PLEKHA2: variants seen among roughly 807,000 people sequenced by gnomAD.
The protein encoded by PLEKHA2 is pleckstrin homology domain containing A2.
A neutral mutation model predicts 53.2 loss-of-function variants in PLEKHA2; 28 were observed. The ratio of observed to expected loss-of-function variants is 0.53; its 90% CI spans 0.39 to 0.72. PLEKHA2 has a LOEUF of 0.72. Ranked by LOEUF, PLEKHA2 falls within the 30% of genes least tolerant of loss-of-function variation. The probability of loss-of-function intolerance (pLI) is 0.00; values close to 1 mark genes in which losing one functional copy is unlikely to be tolerated. For synonymous variants in PLEKHA2, 193 were observed against 196.4 expected (o/e 0.98, Z 0.14); for missense variants, 426 against 537.9 (o/e 0.79, Z 2.06).
intron 10 of PLEKHA2, among the ~76,000 whole-genome samples, chr8:38,968,253 C>A (rs1387564690): frequency 6.6e-6 from 1 of 152,106 alleles, no homozygotes; most frequent in African/African-American, 2.4e-5. Context: ...GCCTCATTTT[C>A]CTTTTTTATA....
At position 38,970,236 on chromosome 8, in the gene PLEKHA2, A is replaced by G; in HGVS notation, c.*453A>G. 1 of 418,610 alleles carries G rather than the reference A, an allele frequency of 2.4e-6. No individual in the cohort carries two copies. The allele number at this position is 418,610 out of a possible 1,614,324, so 25.9% of individuals were successfully genotyped here. The stretch of plus-strand genomic sequence containing the variant: ...CGCAGCTCTTTTGGAATGGGCCAGC[A>G]TTAGTCTAATTTTAAGCGCTATGTG... On this transcript the variant is annotated 3_prime_UTR_variant, in exon 12 of 12. Transcript: ENST00000617275.
At chr8:38,968,474 C>T in intron 10 of PLEKHA2, 118 bp from the exon 11 acceptor site, 1 of 879,522 alleles carries the variant, frequency 1.1e-6, no homozygotes, top group East Asian at 2.6e-5. Flanking sequence ...TAGATGATTT[C>T]TGGGATGCTT....
At chr8:38,913,593 G>C (rs2152365599) in intron 1 of PLEKHA2, among the ~76,000 whole-genome samples, 1 of 152,280 alleles carries the variant, frequency 6.6e-6, no homozygotes. Flanking sequence ...GGCATCAAGG[G>C]AGTTTGCCTG....
chr8:38,968,638 C>T lies in PLEKHA2; in HGVS notation c.884C>T (p.Ala295Val), dbSNP rs1343547748. The change falls in exon 11 of 12, where the codon GCA (alanine) becomes GTA (valine). Residue 295 changes from alanine (A) to valine (V), a missense_variant. Coordinates refer to ENST00000617275, the MANE Select transcript of PLEKHA2 (RefSeq NM_021623.2). ...CACAGCTGGATTAAGGAGATTGGCG[C>T]AGCTGTCCAGGCCCTCAAGTGCCAC... The part of the protein sequence containing the change: ...DMHSWIKEIG[A>V]AVQALKCHPR... 1.2e-6 allele frequency: 2 copies of T among 1,614,010 alleles called. No homozygotes were observed. Among genetic ancestry groups the T allele is most frequent in the Admixed American group, 1.7e-5 (1 of 60,026 alleles).
At chr8:38,964,184 C>A (rs1286982014) in intron 10 of PLEKHA2, among the ~76,000 whole-genome samples, 1 of 152,004 alleles carries the variant, frequency 6.6e-6, no homozygotes, top group Non-Finnish European at 1.5e-5. Context: ...AAGCTTTATC[C>A]CCAAAGATGT....
chr8:38,948,598 G>A (rs747843905), intron 5 of PLEKHA2, among the ~76,000 whole-genome samples: 5 of 152,150 alleles, frequency 3.3e-5, no homozygotes, highest in Non-Finnish European at 5.9e-5. Context: ...AGAAGGTCTC[G>A]TTGTCTTTGT....
rs1459142172 is a variant in PLEKHA2, at chr8:38,922,214, G to A, written c.141+4144G>A. ...ACTTGGAGGATGAAGAGCCTGCAAA[G>A]GTAGTTTCTGGTTAAGAAAGAGAAA... On this transcript the variant is annotated intron_variant, in intron 2 of 11. Coordinates refer to ENST00000617275, the MANE Select transcript of PLEKHA2 (RefSeq NM_021623.2). The surrounding 1 kb of genome is among the most constrained non-coding windows in gnomAD (Gnocchi z 4.0). 1.3e-5 allele frequency among the ~76,000 whole-genome samples: 2 copies of A among 152,210 alleles called. No homozygotes were observed. The highest frequency in any genetic ancestry group is 2.4e-5 in the African/African-American group (1 of 41,452).
At position 38,906,611 on chromosome 8, in the gene PLEKHA2, G is replaced by A. The variant is rs529368028; in HGVS notation, c.-24+5166G>A. On this transcript the variant is annotated intron_variant, in intron 1 of 11. Transcript: ENST00000617275. ...TGTTCTCAGTACGTTCCCTTCTCTCGCACTTTATTCTCCCGCCTTACACTA... is the reference window on the plus strand; with the variant it reads ...TGTTCTCAGTACGTTCCCTTCTCTCACACTTTATTCTCCCGCCTTACACTA... 3.3e-5 allele frequency among the ~76,000 whole-genome samples: 5 copies of A among 152,052 alleles called. No homozygotes were observed. The South Asian group carries it at 1.0e-3, about 32-fold the overall frequency.
intron 2 of PLEKHA2, among the ~76,000 whole-genome samples, chr8:38,929,969 C>A (rs1176813821): frequency 1.3e-5 from 2 of 152,200 alleles, no homozygotes; most frequent in Non-Finnish European, 2.9e-5. Context: ...GTAAAAATTT[C>A]TTCTTCAACA....
At chr8:38,905,746 G>C (rs539985698) in intron 1 of PLEKHA2, among the ~76,000 whole-genome samples, 7 of 148,028 alleles carry the variant, frequency 4.7e-5, no homozygotes, top group African/African-American at 1.7e-4. Context: ...GTGCAGTGGC[G>C]CTATCTCGGC....
intron 2 of PLEKHA2, among the ~76,000 whole-genome samples, chr8:38,923,898 A>T (rs1834236682): frequency 6.6e-6 from 1 of 151,914 alleles, no homozygotes; most frequent in Non-Finnish European, 1.5e-5. Flanking sequence ...GTTGCCGAGG[A>T]TCCAGTGCAG....
intron 1 of PLEKHA2, among the ~76,000 whole-genome samples, chr8:38,902,467 G>T (rs1314891574): frequency 6.6e-6 from 1 of 152,162 alleles, no homozygotes; most frequent in Non-Finnish European, 1.5e-5. Flanking sequence ...GCTCCAAGTG[G>T]GGTTTTCAGA....
intron 1 of PLEKHA2, among the ~76,000 whole-genome samples, chr8:38,909,004 G>C (rs1159306397): frequency 6.6e-6 from 1 of 152,098 alleles, no homozygotes; most frequent in Non-Finnish European, 1.5e-5. Context: ...TCAGCTGGGC[G>C]TGGTGGTGCA....
At chr8:38,928,403 C>T (rs907769624) in intron 2 of PLEKHA2, among the ~76,000 whole-genome samples, 4 of 151,968 alleles carry the variant, frequency 2.6e-5, no homozygotes, top group Non-Finnish European at 1.5e-5. Flanking sequence ...TGTGCGCCAC[C>T]ACACCCAGCT....
At chr8:38,912,897 G>A (rs1265051266) in intron 1 of PLEKHA2, among the ~76,000 whole-genome samples, 2 of 152,198 alleles carry the variant, frequency 1.3e-5, no homozygotes, top group African/African-American at 2.4e-5. Flanking sequence ...TTCTCGGGAC[G>A]TCTGAGCAGC....
chr8:38,903,646 G>A (rs1053743922), intron 1 of PLEKHA2, among the ~76,000 whole-genome samples: 8 of 152,178 alleles, frequency 5.3e-5, no homozygotes, highest in South Asian at 4.1e-4. Flanking sequence ...GAAGTGCTAG[G>A]ATACTAGGAA....
intron 3 of PLEKHA2, among the ~76,000 whole-genome samples, chr8:38,938,006 G>A (rs1834528439): frequency 6.6e-6 from 1 of 152,220 alleles, no homozygotes; most frequent in Non-Finnish European, 1.5e-5. Flanking sequence ...AGACAGAGAT[G>A]AAAGTGATGA....
Position 38,969,663 on chromosome 8 carries a change from C to T in PLEKHA2, c.1158C>T (p.Gly386=). The T allele has an allele frequency of 6.3e-7, 1 of 1,591,502 alleles. No homozygotes were observed. Among genetic ancestry groups the T allele is most frequent in the Non-Finnish European group, 8.6e-7 (1 of 1,169,246 alleles). Residue 386 remains glycine, a synonymous_variant, in exon 12 of 12, where the codon GGC becomes GGT. Transcript: ENST00000617275. ...DSLFTPRPGE[G]SAPGVLPSSR... ...TGTTCACGCCTCGTCCTGGGGAGGG[C>T]AGCGCTCCTGGGGTGCTGCCCAGCT...
At chr8:38,950,418 A>G (rs1231533306) in intron 5 of PLEKHA2, 1 of 156,022 alleles carries the variant, frequency 6.4e-6, no homozygotes, top group Admixed American at 6.4e-5. Flanking sequence ...CTCTGTTTCC[A>G]GCAGGTCCCC....
Sources: gnomAD v4.1 joint callset for allele counts (sites outside exome capture counted in the v4.1 genomes callset) on GRCh38, gnomAD v4.1.1 for gene constraint, Gnocchi (gnomAD v3.1) non-coding constraint, MANE v1.5 for transcripts, NCBI Gene and HGNC (gene_info 2026-07-23, HGNC 2026-07-21) for gene names.